LARP1B: variants seen among roughly 807,000 people sequenced by gnomAD.
The protein encoded by LARP1B is La ribonucleoprotein 1B, also known as la-related protein 1B.
A neutral mutation model predicts 114.2 loss-of-function variants in LARP1B; 76 were observed. The ratio of observed to expected loss-of-function variants is 0.67; its 90% CI spans 0.55 to 0.81. The LOEUF (loss-of-function observed/expected upper bound fraction) is 0.81, where lower values mean the gene tolerates loss of function less well. Ranked by LOEUF, LARP1B falls within the 30% of genes least tolerant of loss-of-function variation. The pLI is 0.00. For synonymous variants in LARP1B, 345 were observed against 348.0 expected (o/e 0.99, Z 0.10); for missense variants, 1,014 against 1,075.8 (o/e 0.94, Z 0.80).
At chr4:128,100,367 G>C (rs1779873716) in intron 8 of LARP1B, among the ~76,000 whole-genome samples, 1 of 151,900 alleles carries the variant, frequency 6.6e-6, no homozygotes, top group African/African-American at 2.4e-5. Flanking sequence ...CCACCTCCTG[G>C]GTTCAAGTGA....
chr4:128,204,252 G>T (rs946429528), intron 17 of LARP1B, among the ~76,000 whole-genome samples: 8 of 151,886 alleles, frequency 5.3e-5, no homozygotes, highest in African/African-American at 1.9e-4. Flanking sequence ...CAAAGATTCT[G>T]GTTTTGGGTA....
intron 1 of LARP1B, among the ~76,000 whole-genome samples, chr4:128,064,535 T>C (rs1240054105): frequency 1.3e-5 from 2 of 152,196 alleles, no homozygotes; most frequent in Non-Finnish European, 1.5e-5. Flanking sequence ...AAAGAGAACA[T>C]GGTTAAGTGA....
At chr4:128,113,562 T>C (rs1461818020) in intron 9 of LARP1B, among the ~76,000 whole-genome samples, 111 of 151,704 alleles carry the variant, frequency 7.3e-4, no homozygotes, top group Non-Finnish European at 1.6e-4. Context: ...AGGCTGGTCT[T>C]GAACTCCTGA....
chr4:128,182,820 G>T (rs915323137), intron 15 of LARP1B, among the ~76,000 whole-genome samples: 6 of 152,190 alleles, frequency 3.9e-5, no homozygotes, highest in Non-Finnish European at 5.9e-5. Flanking sequence ...CTACTCCAGT[G>T]AATACACAAA....
intron 1 of LARP1B, among the ~76,000 whole-genome samples, chr4:128,073,572 GTTTTTTTTTT>G (rs568197117): frequency 5.0e-5 from 2 of 39,992 alleles, no homozygotes; most frequent in African/African-American, 8.8e-5. Flanking sequence ...TATTGTTGTC[GTTTTTTTTTT>G]TTTTTTTTTT....
intron 15 of LARP1B, among the ~76,000 whole-genome samples, chr4:128,187,660 G>C (rs1470278704): frequency 2.6e-5 from 4 of 152,218 alleles, no homozygotes; most frequent in Admixed American, 6.5e-5. Flanking sequence ...GACATGACTA[G>C]ATTTTGCAAT....
At chr4:128,129,211 C>T (rs1259253456) in intron 11 of LARP1B, among the ~76,000 whole-genome samples, 10 of 133,910 alleles carry the variant, frequency 7.5e-5, no homozygotes, top group African/African-American at 1.6e-4. Context: ...AAAATTCAGC[C>T]GTGCGTGGTG....
chr4:128,088,682 C>T (rs1437028913), intron 5 of LARP1B, among the ~76,000 whole-genome samples: 1 of 152,112 alleles, frequency 6.6e-6, no homozygotes, highest in East Asian at 1.9e-4. Flanking sequence ...GGTTCATGAT[C>T]AGGTTTTTAA....
intron 11 of LARP1B, among the ~76,000 whole-genome samples, chr4:128,135,998 CTT>C (rs1398523785): frequency 6.6e-6 from 1 of 151,632 alleles, no homozygotes; most frequent in Non-Finnish European, 1.5e-5. Context: ...CAAAAGAAAA[CTT>C]AATACACATA....
intron 7 of LARP1B, among the ~76,000 whole-genome samples, chr4:128,097,133 A>G (rs1778348100): frequency 6.7e-6 from 1 of 149,354 alleles, no homozygotes; most frequent in Non-Finnish European, 1.5e-5. Flanking sequence ...CCTGACCTCA[A>G]GCGATCCACC....
At chr4:128,079,864 C>A (rs1442865603) in intron 4 of LARP1B, among the ~76,000 whole-genome samples, 2 of 151,700 alleles carry the variant, frequency 1.3e-5, no homozygotes, top group African/African-American at 4.8e-5. Flanking sequence ...CATGCCTGGC[C>A]TCCTCATTTC....
chr4:128,090,974 A>G, intron 5 of LARP1B, 27 bp from the exon 6 acceptor site: 2 of 1,490,550 alleles, frequency 1.3e-6, no homozygotes, highest in East Asian at 2.4e-5. Flanking sequence ...AAATCGAAGT[A>G]TATAAAAATA....
intron 12 of LARP1B, among the ~76,000 whole-genome samples, chr4:128,163,985 G>T (rs1252838858): frequency 6.6e-6 from 1 of 152,064 alleles, no homozygotes; most frequent in Non-Finnish European, 1.5e-5. Flanking sequence ...AATAGAAAGA[G>T]CTAGGAAATT....
At chr4:128,198,218 T>G (rs1425858506) in intron 15 of LARP1B, among the ~76,000 whole-genome samples, 1 of 152,182 alleles carries the variant, frequency 6.6e-6, no homozygotes, top group African/African-American at 2.4e-5. Flanking sequence ...AAAAATGCTT[T>G]GTGTTTTCTT....
intron 15 of LARP1B, among the ~76,000 whole-genome samples, chr4:128,183,159 A>G (rs893478489): frequency 6.6e-6 from 1 of 152,210 alleles, no homozygotes; most frequent in African/African-American, 2.4e-5. Context: ...CTGCAGGTCT[A>G]GATCTGAAAA....
At position 128,098,341 on chromosome 4, in the gene LARP1B, A is replaced by G; in HGVS notation, c.813+11A>G. ...AATCTCATCTTAGAGGTAATTGCTC[A>G]TTTGATGAACAATTTGTACTTTCTG... On this transcript the variant is annotated intron_variant, in intron 8 of 19. Transcript: ENST00000326639. 2 of 1,594,578 alleles carry G rather than the reference A, an allele frequency of 1.3e-6. No individual in the cohort carries two copies.
intron 1 of LARP1B, among the ~76,000 whole-genome samples, chr4:128,070,552 T>A (rs766938022): frequency 6.6e-6 from 1 of 152,006 alleles, no homozygotes; most frequent in Non-Finnish European, 1.5e-5. Flanking sequence ...TCCCAGCTAC[T>A]TGGGAGGCTG....
intron 15 of LARP1B, among the ~76,000 whole-genome samples, chr4:128,184,090 T>C (rs1317923294): frequency 6.6e-6 from 1 of 152,198 alleles, no homozygotes; most frequent in Admixed American, 6.5e-5. Flanking sequence ...TCTGTGAACA[T>C]TGTTGAAATG....
At chr4:128,207,405 C>T in intron 19 of LARP1B, 22 bp downstream of exon 19, 1 of 1,429,760 alleles carries the variant, frequency 7.0e-7, no homozygotes, top group Non-Finnish European at 9.3e-7. Flanking sequence ...GTCATTTCCT[C>T]TATTCTTTTT....
Sources: allele counts gnomAD v4.1 joint callset (sites outside exome capture counted in the v4.1 genomes callset), GRCh38; gene constraint gnomAD v4.1.1; transcripts MANE v1.5; gene names NCBI Gene and HGNC (gene_info 2026-07-23, HGNC 2026-07-21).